Variants in ASXL3 observed in about 807,000 individuals in gnomAD.
The protein encoded by ASXL3 is ASXL transcriptional regulator 3, also known as putative Polycomb group protein ASXL3.
Under a neutral mutation model 170.6 loss-of-function variants are expected in ASXL3, and 34 were observed. The ratio of observed to expected loss-of-function variants is 0.20; its 90% CI spans 0.15 to 0.27. ASXL3 has a LOEUF of 0.27. Ranked by LOEUF, ASXL3 falls within the 10% of genes least tolerant of loss-of-function variation. The pLI is 1.00. For missense variants in ASXL3, 2,592 were observed against 2,695.3 expected (o/e 0.96, Z 0.85); for synonymous variants, 1,002 against 989.1 (o/e 1.01, Z -0.24).
At chr18:33,628,421 G>C (rs1200277619) in intron 2 of ASXL3, among the ~76,000 whole-genome samples, 2 of 152,130 alleles carry the variant, frequency 1.3e-5, no homozygotes, top group African/African-American at 4.8e-5. Context: ...AATGTATTAG[G>C]ATAATGTTGA....
At chr18:33,679,855 G>A (rs925115343) in intron 7 of ASXL3, among the ~76,000 whole-genome samples, 1 of 151,958 alleles carries the variant, frequency 6.6e-6, no homozygotes, top group South Asian at 2.1e-4. Context: ...ACTCTGTCAA[G>A]TATTGTGTCC....
intron 8 of ASXL3, among the ~76,000 whole-genome samples, chr18:33,720,994 A>G (rs1469614922): frequency 1.3e-5 from 2 of 152,136 alleles, no homozygotes; most frequent in African/African-American, 4.8e-5. Context: ...TCAATAATCA[A>G]TATTAATATT....
chr18:33,732,113 C>T lies in ASXL3; in HGVS notation c.976+49C>T, dbSNP rs781242006. The T allele has an allele frequency of 8.5e-6, 12 of 1,411,982 alleles. No homozygotes were observed. The East Asian group carries it at 1.1e-4, about 13-fold the overall frequency. 87.5% of individuals were successfully genotyped at this position (1,411,982 alleles called of 1,614,324 possible). On this transcript the variant is annotated intron_variant, in intron 9 of 11. Coordinates refer to ENST00000269197, the MANE Select transcript of ASXL3 (RefSeq NM_030632.3). Reference sequence around the variant, plus strand: ...ATGTGACATATTGGAGTACACATACCGTACTGAGCTTGTACCTTTCTCTGA... The same window carrying T: ...ATGTGACATATTGGAGTACACATACTGTACTGAGCTTGTACCTTTCTCTGA...
chr18:33,603,693 T>C (rs986075514), intron 1 of ASXL3, among the ~76,000 whole-genome samples: 5 of 151,972 alleles, frequency 3.3e-5, no homozygotes, highest in African/African-American at 9.7e-5. Flanking sequence ...TGGAGAGCAA[T>C]GTTGAATTTG....
At chr18:33,605,276 T>C (rs2065233482) in intron 1 of ASXL3, among the ~76,000 whole-genome samples, 1 of 152,058 alleles carries the variant, frequency 6.6e-6, no homozygotes, top group Admixed American at 6.6e-5. Flanking sequence ...GTCTGATTCA[T>C]GTCTCTGCCA....
rs1283520446 is a variant in ASXL3, at chr18:33,744,358, C to G, written c.4510C>G (p.Pro1504Ala). Residue 1504 changes from proline to alanine, a missense_variant, in exon 12 of 12, where the codon CCA becomes GCA. By Grantham distance (27) the Pro-to-Ala change is conservative (BLOSUM62 -1). Coordinates refer to ENST00000269197, the MANE Select transcript of ASXL3 (RefSeq NM_030632.3). ...SEASLDLQGR[P>A]VRTEASVQPV... is the part of the protein sequence containing the mutation. ...AGCCAGCTTGGACCTGCAGGGCAGA[C>G]CAGTGAGGACAGAGGCATCCGTACA... is the stretch of plus-strand genomic sequence containing the variant. 6.2e-7 allele frequency: 1 copy of G among 1,613,854 alleles called. No individual in the cohort carries two copies. Among genetic ancestry groups the G allele is most frequent in the African/African-American group, 1.3e-5 (1 of 74,936 alleles).
chr18:33,612,059 A>G (rs1431637497), intron 2 of ASXL3, among the ~76,000 whole-genome samples: 1 of 152,030 alleles, frequency 6.6e-6, no homozygotes, highest in Non-Finnish European at 1.5e-5. Context: ...ATAATTTTTT[A>G]TGTGCTGGGC....
At chr18:33,729,797 C>T (rs118162771) in intron 8 of ASXL3, among the ~76,000 whole-genome samples, 369 of 152,104 alleles carry the variant, frequency 2.4e-3, no homozygotes, top group Non-Finnish European at 3.9e-3. Flanking sequence ...TGGCCCAGAC[C>T]GCCATCCCTG....
chr18:33,585,366 T>G (rs952578582), intron 1 of ASXL3, among the ~76,000 whole-genome samples: 1 of 152,050 alleles, frequency 6.6e-6, no homozygotes, highest in Non-Finnish European at 1.5e-5. Context: ...GAAGAGCCCT[T>G]GGGGAACAAA....
At chr18:33,682,062 C>T (rs1009468390) in intron 7 of ASXL3, among the ~76,000 whole-genome samples, 3 of 152,196 alleles carry the variant, frequency 2.0e-5, no homozygotes, top group Middle Eastern at 3.4e-3. Flanking sequence ...ACTCTTTTGT[C>T]TTTAGTTATT....
At chr18:33,633,629 G>T (rs1048483079) in intron 2 of ASXL3, among the ~76,000 whole-genome samples, 2 of 151,986 alleles carry the variant, frequency 1.3e-5, no homozygotes, top group Non-Finnish European at 2.9e-5. Context: ...GGATCATGAG[G>T]TCGGGAGATT....
chr18:33,601,673 G>A (rs2065184131), intron 1 of ASXL3, among the ~76,000 whole-genome samples: 1 of 151,534 alleles, frequency 6.6e-6, no homozygotes, highest in African/African-American at 2.4e-5. Context: ...CAGTGAGCAG[G>A]AAGAATATCA....
At position 33,738,829 on chromosome 18, in the gene ASXL3, A is replaced by C; in HGVS notation, c.1425A>C (p.Glu475Asp). 1 of 1,613,630 alleles carries C rather than the reference A, an allele frequency of 6.2e-7. No homozygotes were observed. The highest frequency in any genetic ancestry group is 8.5e-7 in the Non-Finnish European group (1 of 1,179,846). The stretch of plus-strand genomic sequence containing the variant: ...ATGAAAATCATAAGACAATACCTGA[A>C]TTTTCTGAGGAGGCTGAAAGTCTAA... ...CQDENHKTIP[E>D]FSEEAESLTN... The change falls in exon 11 of 12, where the codon GAA (glutamate) becomes GAC (aspartate). Residue 475 changes from glutamate to aspartate, a missense_variant. This residue lies in a region of ASXL3 where 2,246 missense variants were observed against 2,219.6 expected (regional missense o/e 1.01). Coordinates refer to ENST00000269197, the MANE Select transcript of ASXL3 (RefSeq NM_030632.3).
intron 8 of ASXL3, among the ~76,000 whole-genome samples, chr18:33,706,496 A>G (rs1362396867): frequency 6.6e-6 from 1 of 151,814 alleles, no homozygotes; most frequent in Non-Finnish European, 1.5e-5. Context: ...GTGAACATTT[A>G]TGGTATTCAG....
At position 33,746,066 on chromosome 18, in the gene ASXL3, C is replaced by T. The variant is rs769078252; in HGVS notation, c.6218C>T (p.Thr2073Met). The T allele has an allele frequency of 6.8e-6, 11 of 1,613,052 alleles. No individual in the cohort carries two copies. The highest frequency in any genetic ancestry group is 5.9e-6 in the Non-Finnish European group (7 of 1,179,834). The part of the protein sequence containing the change: ...TTKRLSWPQS[T>M]GICSNIKSEP... ...AAGAGACTTAGTTGGCCACAGTCCA[C>T]GGGCATATGTAGCAATATAAAATCG... Residue 2073 changes from threonine to methionine, a missense_variant, in exon 12 of 12, where the codon ACG (threonine) becomes ATG (methionine). Around this residue, in one of 4 missense-constraint regions of ASXL3, gnomAD observed 2,246 missense variants for 2,219.6 expected, o/e 1.01. Transcript: ENST00000269197.
Position 33,745,341 on chromosome 18 carries a change from A to C in ASXL3, c.5493A>C (p.Val1831=). Residue 1831 remains valine (V), a synonymous_variant, in exon 12 of 12, where the codon GTA becomes GTC. Coordinates refer to ENST00000269197, the MANE Select transcript of ASXL3 (RefSeq NM_030632.3). ...GAGAAAACCACCCCAAAAAGAGAGT[A>C]GCTAGGACTGTAGGAGAACACACTC... ...RKRENHPKKR[V]ARTVGEHTQV... The C allele has an allele frequency of 6.2e-7, 1 of 1,613,998 alleles. No individual in the cohort carries two copies. The highest frequency in any genetic ancestry group is 8.5e-7 in the Non-Finnish European group (1 of 1,179,890).
chr18:33,641,887 A>G (rs554169475), intron 2 of ASXL3: 2 of 152,630 alleles, frequency 1.3e-5, no homozygotes, highest in South Asian at 4.1e-4. Context: ...TATTTCATAT[A>G]CACACACATA....
intron 4 of ASXL3, among the ~76,000 whole-genome samples, chr18:33,655,132 G>A (rs898484456): frequency 3.3e-5 from 5 of 151,974 alleles, no homozygotes; most frequent in African/African-American, 1.2e-4. Flanking sequence ...TATGATATCA[G>A]CCACCCAAAT....
intron 1 of ASXL3, among the ~76,000 whole-genome samples, chr18:33,589,194 T>C (rs1260925334): frequency 6.6e-6 from 1 of 152,186 alleles, no homozygotes; most frequent in Non-Finnish European, 1.5e-5. Context: ...CTCAATTTTA[T>C]TTCTATTGTT....
Sources: allele counts gnomAD v4.1 joint callset (sites outside exome capture counted in the v4.1 genomes callset), GRCh38; gene constraint gnomAD v4.1.1; regional missense constraint gnomAD v4.1.1; transcripts MANE v1.5; gene names NCBI Gene and HGNC (gene_info 2026-07-23, HGNC 2026-07-21).